ANGPT4: variants seen among roughly 807,000 people sequenced by gnomAD.
ANGPT4 encodes angiopoietin-4.
In ANGPT4, 50 loss-of-function variants were observed where a neutral mutation model predicts 53.0. The ratio of observed to expected loss-of-function variants is 0.94; its 90% CI spans 0.75 to 1.20. The LOEUF is 1.20. ANGPT4 is among the 50% of genes most tolerant of loss of function. The pLI, the probability that ANGPT4 is intolerant of heterozygous loss-of-function variation, is 0.00. For synonymous variants in ANGPT4, 251 were observed against 259.7 expected, an observed-to-expected ratio of 0.97 and a Z score of 0.32; for missense variants, 648 against 637.1, an observed-to-expected ratio of 1.02 and a Z score of -0.18.
rs1006185903 is a variant in ANGPT4, at chr20:874,479, A to T, written c.1221-65T>A. On this transcript the variant is annotated intron_variant, in intron 7 of 8. Transcript: ENST00000381922. The stretch of plus-strand genomic sequence containing the variant: ...GAGTCAGGTTGGGGCTGTGTCGAGC[A>T]AGAACTTCCCCAGTGGCTTTGTCCC... The T allele has an allele frequency of 4.4e-6, 7 of 1,592,736 alleles. No individual in the cohort carries two copies. The African/African-American group carries it at 9.4e-5, about 21-fold the overall frequency.
At chr20:882,366 G>C (rs956988916) in intron 4 of ANGPT4, among the ~76,000 whole-genome samples, 1 of 152,178 alleles carries the variant, frequency 6.6e-6, no homozygotes, top group Admixed American at 6.5e-5. Flanking sequence ...CCAGGATGGG[G>C]CTAAAATTCC....
At chr20:902,435 T>C (rs373843369) in intron 1 of ANGPT4, among the ~76,000 whole-genome samples, 13 of 152,170 alleles carry the variant, frequency 8.5e-5, no homozygotes, top group African/African-American at 3.1e-4. Context: ...ACAGTGGTGA[T>C]AGCAGGGCCT....
Position 891,462 on chromosome 20 carries a change from A to G in ANGPT4, c.310-1094T>C, listed in dbSNP as rs147325042. On this transcript the variant is annotated intron_variant, in intron 1 of 8. Coordinates refer to ENST00000381922, the MANE Select transcript of ANGPT4 (RefSeq NM_015985.4). ...ACACCAGTATGCTGTTGTAAAGGTG[A>G]ACAGTGTGTTCTCAGGGCTCGGTGC... Among the ~76,000 whole-genome samples the G allele has an allele frequency of 2.1e-3, 323 of 152,340 alleles. 1 individual carries two copies. The highest frequency in any genetic ancestry group is 7.6e-3 in the African/African-American group (318 of 41,570).
chr20:904,878 C>T (rs1325484299), intron 1 of ANGPT4, among the ~76,000 whole-genome samples: 2 of 152,204 alleles, frequency 1.3e-5, no homozygotes, highest in African/African-American at 4.8e-5. Flanking sequence ...GTGATCCTCC[C>T]ACCTCACCTC....
intron 7 of ANGPT4, among the ~76,000 whole-genome samples, chr20:876,501 C>T (rs904217578): frequency 4.6e-5 from 7 of 152,132 alleles, no homozygotes; most frequent in Admixed American, 3.3e-4. Context: ...AGACAGTGAT[C>T]GTAATATTGT....
chr20:882,176 G>C (rs887742805), intron 4 of ANGPT4, among the ~76,000 whole-genome samples: 4 of 152,186 alleles, frequency 2.6e-5, no homozygotes, highest in African/African-American at 9.7e-5. Context: ...GACTACATGA[G>C]ATCGGGATAG....
rs1170676708 is a variant in ANGPT4, at chr20:878,277, G to A, written c.1104C>T (p.His368=). The A allele has an allele frequency of 7.4e-6, 12 of 1,611,094 alleles. No individual in the cohort carries two copies. Among genetic ancestry groups the A allele is most frequent in the African/African-American group, 5.3e-5 (4 of 74,920 alleles). The change falls in exon 7 of 9, where the codon CAC becomes CAT. Residue 368 remains histidine, a synonymous_variant. Coordinates refer to ENST00000381922, the MANE Select transcript of ANGPT4 (RefSeq NM_015985.4). ...GEHWLGNEVV[H]QLTRRAAYSL... ...AGTAGGCTGCCCTTCTGGTGAGCTG[G>A]TGCACCACTTCATTGCCCAGCCAGT... is the stretch of plus-strand genomic sequence containing the variant.
chr20:902,303 T>C (rs1982316666), intron 1 of ANGPT4, among the ~76,000 whole-genome samples: 1 of 152,138 alleles, frequency 6.6e-6, no homozygotes, highest in East Asian at 1.9e-4. Flanking sequence ...CCCCCAGGGA[T>C]CTGTGAATAG....
At position 911,810 on chromosome 20, in the gene ANGPT4, G is replaced by A. The variant is rs1982711095; in HGVS notation, c.309+4096C>T. 6.6e-6 allele frequency among the ~76,000 whole-genome samples: 1 copy of A among 152,026 alleles called. No homozygotes were observed. The highest frequency in any genetic ancestry group is 1.5e-5 in the Non-Finnish European group (1 of 68,002). ...AGTGTGGTTGAGAGAGTCAGACCTT[G>A]TCTTTAGGAGAGAGACAGAGAGAGG... On this transcript the variant is annotated intron_variant, in intron 1 of 8. Coordinates refer to ENST00000381922, the MANE Select transcript of ANGPT4 (RefSeq NM_015985.4). This position sits in a 1 kb window ranked among gnomAD's most constrained non-coding sequence, Gnocchi z 4.9.
At chr20:883,138 T>C (rs955173224) in intron 4 of ANGPT4, among the ~76,000 whole-genome samples, 2 of 152,230 alleles carry the variant, frequency 1.3e-5, no homozygotes, top group African/African-American at 4.8e-5. Flanking sequence ...TCTGAGAAGT[T>C]AAATAAATGA....
At chr20:903,361 G>A (rs904881042) in intron 1 of ANGPT4, among the ~76,000 whole-genome samples, 2 of 152,088 alleles carry the variant, frequency 1.3e-5, no homozygotes, top group Non-Finnish European at 2.9e-5. Flanking sequence ...TCTACCCTCG[G>A]GCGCATGCAG....
intron 2 of ANGPT4, among the ~76,000 whole-genome samples, chr20:888,757 C>T (rs1485235854): frequency 6.6e-6 from 1 of 152,226 alleles, no homozygotes; most frequent in East Asian, 1.9e-4. Context: ...CCCTGACCAC[C>T]TCTCTCCTGC....
intron 1 of ANGPT4, among the ~76,000 whole-genome samples, chr20:907,458 G>T (rs904391524): frequency 1.1e-4 from 16 of 152,302 alleles, no homozygotes; most frequent in Middle Eastern, 3.4e-3. Context: ...TTTCAACCTT[G>T]ATCTTGGGAG....
intron 3 of ANGPT4, among the ~76,000 whole-genome samples, chr20:887,887 G>GAGGAAGGAAGGA (rs59115029): frequency 0.017 from 2,531 of 150,768 alleles, 68 homozygotes; most frequent in African/African-American, 0.058. Flanking sequence ...ATAAAAGAAG[G>GAGGAAGGAAGGA]AGGAAGGAAG....
At position 905,762 on chromosome 20, in the gene ANGPT4, G is replaced by C. The variant is rs117870866; in HGVS notation, c.309+10144C>G. Among the ~76,000 whole-genome samples, 288 of 152,288 alleles carry C rather than the reference G, an allele frequency of 1.9e-3. 8 individuals carry two copies. In the East Asian group the frequency reaches 0.047, roughly 25 times the overall value. On this transcript the variant is annotated intron_variant, in intron 1 of 8. Transcript: ENST00000381922. ...AGACCTGGGCATGGTGCTGGGGATAGAGCAGCTACCAGAACAGGCCAGGCT... is the reference window on the plus strand; with the variant it reads ...AGACCTGGGCATGGTGCTGGGGATACAGCAGCTACCAGAACAGGCCAGGCT...
At chr20:907,711 C>T (rs575315929) in intron 1 of ANGPT4, among the ~76,000 whole-genome samples, 1 of 152,166 alleles carries the variant, frequency 6.6e-6, no homozygotes, top group Non-Finnish European at 1.5e-5. Flanking sequence ...CAGGTGTAAC[C>T]AGGCGGTGCT....
rs1394229913 is a variant in ANGPT4, at chr20:870,021, C to T, written c.*2939G>A. 1 of 152,300 alleles carries T rather than the reference C, an allele frequency of 6.6e-6. No individual in the cohort carries two copies. The highest frequency in any genetic ancestry group is 1.5e-5 in the Non-Finnish European group (1 of 68,108). The allele number at this position is 152,300 out of a possible 1,614,324, so 9.4% of individuals were successfully genotyped here. A position where few individuals can be genotyped will look rare whatever the true frequency, so the allele number is the denominator to read the frequency against. On this transcript the variant is annotated 3_prime_UTR_variant, in exon 9 of 9. Transcript: ENST00000381922. ...CAGAGCCTTCTTGTGAGGAAAGATC[C>T]TGGCTGAGAATGAAGTCAACGGGGC...
At chr20:903,894 A>AAT (rs1232870309) in intron 1 of ANGPT4, among the ~76,000 whole-genome samples, 1 of 152,076 alleles carries the variant, frequency 6.6e-6, no homozygotes, top group Non-Finnish European at 1.5e-5. Context: ...GGGAGACCTA[A>AAT]ATGATGCTCT....
intron 4 of ANGPT4, 119 bp downstream of exon 4, chr20:884,959 G>T: frequency 7.3e-7 from 1 of 1,378,474 alleles, no homozygotes; most frequent in Non-Finnish European, 9.8e-7. Context: ...ACAGATGGTC[G>T]GGGAGGGTGG....
Sources: gnomAD v4.1 joint callset for allele counts (sites outside exome capture counted in the v4.1 genomes callset) on GRCh38, gnomAD v4.1.1 for gene constraint, Gnocchi (gnomAD v3.1) non-coding constraint, MANE v1.5 for transcripts, NCBI Gene and HGNC (gene_info 2026-07-23, HGNC 2026-07-21) for gene names.